The following ALDH8A1 variants were observed in gnomAD, a reference collection of about 807,000 sequenced individuals.
ALDH8A1 encodes aldehyde dehydrogenase 8 family member A1, also known as 2-aminomuconic semialdehyde dehydrogenase.
ALDH8A1 carries 39 observed loss-of-function variants against 43.3 expected under a neutral mutation model. That is an observed-to-expected ratio of 0.90 (90% confidence interval 0.70 to 1.18). ALDH8A1 has a LOEUF of 1.18. Among genes scored for constraint, ALDH8A1 ranks in the 50% most tolerant of loss-of-function variants. ALDH8A1 has a pLI of 0.00. For synonymous variants in ALDH8A1, 233 were observed against 243.5 expected, an observed-to-expected ratio of 0.96 and a Z score of 0.40; for missense variants, 605 against 622.6, an observed-to-expected ratio of 0.97 and a Z score of 0.30.
At chr6:134,946,048 G>A (rs1034266734) in intron 1 of ALDH8A1, among the ~76,000 whole-genome samples, 2 of 152,110 alleles carry the variant, frequency 1.3e-5, no homozygotes, top group African/African-American at 4.8e-5. Context: ...TAAGTTTCCT[G>A]AGGCCTCCCC....
At chr6:134,945,203 T>G (rs1583037466) in intron 1 of ALDH8A1, among the ~76,000 whole-genome samples, 2 of 152,204 alleles carry the variant, frequency 1.3e-5, no homozygotes, top group South Asian at 4.1e-4. Flanking sequence ...AGTATTGCTA[T>G]GCCCATTTTA....
chr6:134,918,986 C>A, intron 6 of ALDH8A1, 119 bp from the exon 7 acceptor site: 1 of 1,170,664 alleles, frequency 8.5e-7, no homozygotes, highest in African/African-American at 1.5e-5. Context: ...CCTAAGAAAT[C>A]TATGGTCGAT....
At chr6:134,932,539 A>G (rs1777001875) in intron 5 of ALDH8A1, among the ~76,000 whole-genome samples, 1 of 152,210 alleles carries the variant, frequency 6.6e-6, no homozygotes, top group African/African-American at 2.4e-5. Flanking sequence ...CTGGTACCTG[A>G]TAAAAGCTGT....
Position 134,918,679 on chromosome 6 carries a change from G to C in ALDH8A1, c.1200C>G (p.Val400=). ...EEIFGPVTCV[V]PFDSEEEVIE... is the part of the protein sequence containing the mutation. Reference sequence around the variant, plus strand: ...TCACCTCCTCTTCACTATCAAAGGGGACGACACACGTCACTGGACCAAATA... The same window carrying C: ...TCACCTCCTCTTCACTATCAAAGGGCACGACACACGTCACTGGACCAAATA... Residue 400 remains valine (V), a synonymous_variant, in exon 7 of 7, where the codon GTC becomes GTG. Transcript: ENST00000265605. 1.2e-6 allele frequency: 2 copies of C among 1,614,184 alleles called. No homozygotes were observed. Among genetic ancestry groups the C allele is most frequent in the Non-Finnish European group, 1.7e-6 (2 of 1,180,032 alleles).
intron 6 of ALDH8A1, among the ~76,000 whole-genome samples, chr6:134,924,114 A>C (rs1776848355): frequency 1.3e-5 from 2 of 152,300 alleles, no homozygotes; most frequent in South Asian, 4.1e-4. Context: ...AACTTGCTTG[A>C]CAAAATCCAA....
chr6:134,942,295 GA>G, intron 3 of ALDH8A1, 113 bp downstream of exon 3: 2 of 1,325,808 alleles, frequency 1.5e-6, no homozygotes, highest in Non-Finnish European at 2.0e-6. Context: ...TTTTAGAAAA[GA>G]AAAATATCAG....
rs114000920 is a variant in ALDH8A1 at position 134,932,896 on chromosome 6, G to A, written c.729C>T (p.Ser243=). Residue 243 remains serine (S), a synonymous_variant, in exon 5 of 7, where the codon AGC becomes AGT. Coordinates refer to ENST00000265605, the MANE Select transcript of ALDH8A1 (RefSeq NM_022568.4). ...GGGAGAGCTTTTTGCAGTGGGGAGC[G>A]CTCAGCTGGGTGATCCGCTCAGCGG... is the stretch of plus-strand genomic sequence containing the variant. ...QPTAERITQL[S]APHCKKLSLE... is the part of the protein sequence containing the mutation. 2,621 of 1,614,198 alleles carry A rather than the reference G, an allele frequency of 1.6e-3. 37 individuals are homozygous for A. In the African/African-American group the frequency reaches 0.029, roughly 18 times the overall value.
intron 5 of ALDH8A1, 96 bp from the exon 6 acceptor site, chr6:134,929,311 G>A (rs1776941476): frequency 1.5e-6 from 2 of 1,342,752 alleles, no homozygotes; most frequent in African/African-American, 1.5e-5. Context: ...TCAGGCACTG[G>A]TCTAGGCAAT....
intron 6 of ALDH8A1, among the ~76,000 whole-genome samples, chr6:134,920,040 AG>A (rs1238674418): frequency 6.6e-6 from 1 of 152,164 alleles, no homozygotes; most frequent in Non-Finnish European, 1.5e-5. Flanking sequence ...CCTCTCGAGT[AG>A]CTGAGCCTAT....
intron 1 of ALDH8A1, among the ~76,000 whole-genome samples, chr6:134,947,303 G>A (rs1773970805): frequency 1.3e-5 from 2 of 152,142 alleles, no homozygotes; most frequent in South Asian, 4.1e-4. Context: ...AATACTTCAT[G>A]ACACTGATTT....
chr6:134,927,310 G>A (rs2294317), intron 6 of ALDH8A1, among the ~76,000 whole-genome samples: 21,317 of 146,584 alleles, frequency 0.15, 2,217 homozygotes, highest in African/African-American at 0.3. Context: ...AAAAAAGAAA[G>A]AAGAAGAAGA....
intron 5 of ALDH8A1, among the ~76,000 whole-genome samples, chr6:134,930,116 A>G (rs916542599): frequency 1.3e-5 from 2 of 152,228 alleles, no homozygotes; most frequent in Admixed American, 6.5e-5. Flanking sequence ...GAGATTCAGG[A>G]TATACCTTAA....
At chr6:134,945,795 C>T (rs1437267259) in intron 1 of ALDH8A1, among the ~76,000 whole-genome samples, 3 of 152,114 alleles carry the variant, frequency 2.0e-5, no homozygotes, top group African/African-American at 7.2e-5. Flanking sequence ...CCACACCCCT[C>T]CTTCATTTCC....
intron 6 of ALDH8A1, among the ~76,000 whole-genome samples, chr6:134,920,309 A>G (rs577176346): frequency 6.6e-6 from 1 of 152,312 alleles, no homozygotes; most frequent in East Asian, 1.9e-4. Flanking sequence ...ACATAACGCT[A>G]TTCTAGTTTG....
At chr6:134,933,898 G>A (rs12663961) in intron 4 of ALDH8A1, among the ~76,000 whole-genome samples, 11,774 of 151,998 alleles carry the variant, frequency 0.077, 757 homozygotes, top group East Asian at 0.26. Context: ...TAGTAGAGAG[G>A]GGATTTCATC....
At position 134,942,443 on chromosome 6, in the gene ALDH8A1, G is replaced by A; in HGVS notation, c.408C>T (p.Cys136=). 6.2e-7 allele frequency: 1 copy of A among 1,614,196 alleles called. No individual in the cohort carries two copies. The part of the protein sequence containing the change: ...SECTQMDHLG[C]MHYTVRAPVG... ...CCGGGGCCCGCACCGTGTAGTGCATGCAGCCCAGGTGGTCCATCTGCGTGC... is the reference window on the plus strand; with the variant it reads ...CCGGGGCCCGCACCGTGTAGTGCATACAGCCCAGGTGGTCCATCTGCGTGC... The change falls in exon 3 of 7, where the codon TGC becomes TGT. Residue 136 remains cysteine, a synonymous_variant. Transcript: ENST00000265605.
intron 5 of ALDH8A1, among the ~76,000 whole-genome samples, chr6:134,930,910 A>G (rs1224589853): frequency 2.0e-5 from 3 of 152,210 alleles, no homozygotes. Context: ...ATTATAAATA[A>G]TTCTGTAGCC....
At chr6:134,928,985 T>C in intron 6 of ALDH8A1, 69 bp downstream of exon 6, 2 of 1,527,824 alleles carry the variant, frequency 1.3e-6, no homozygotes, top group Non-Finnish European at 1.8e-6. Flanking sequence ...CTGATTGTGC[T>C]ATGCCTGTAC....
chr6:134,928,973 G>C, intron 6 of ALDH8A1, 81 bp downstream of exon 6: 1 of 1,461,216 alleles, frequency 6.8e-7, no homozygotes, highest in African/African-American at 1.4e-5. Context: ...ATATTTCAGA[G>C]TCTGATTGTG....
Sources: gnomAD v4.1 joint callset for allele counts (sites outside exome capture counted in the v4.1 genomes callset) on GRCh38, gnomAD v4.1.1 for gene constraint, MANE v1.5 for transcripts, NCBI Gene and HGNC (gene_info 2026-07-23, HGNC 2026-07-21) for gene names.